The following C2CD3 variants were observed in gnomAD, a reference collection of about 807,000 sequenced individuals.
The protein encoded by C2CD3 is C2 domain containing 3 centriole elongation regulator.
C2CD3 carries 148 observed loss-of-function variants against 234.0 expected under a neutral mutation model. The ratio of observed to expected loss-of-function variants is 0.63; its 90% confidence interval spans 0.55 to 0.72. The LOEUF (loss-of-function observed/expected upper bound fraction) is 0.72, where lower values mean the gene tolerates loss of function less well. C2CD3 is among the 30% of genes least tolerant of loss of function. The probability of loss-of-function intolerance (pLI) is 0.00; values close to 1 mark genes in which losing one functional copy is unlikely to be tolerated. For synonymous variants in C2CD3, 1,000 were observed against 1,035.4 expected (o/e 0.97, Z 0.66); for missense variants, 2,577 against 2,811.5 (o/e 0.92, Z 1.89).
intron 32 of C2CD3, among the ~76,000 whole-genome samples, chr11:74,022,460 C>T (rs1477158928): frequency 1.3e-5 from 2 of 152,038 alleles, no homozygotes; most frequent in East Asian, 1.9e-4. Flanking sequence ...TACGTGTCTG[C>T]GGCATGAGAG....
chr11:74,161,338 C>T (rs1856452202), intron 3 of C2CD3, 61 bp downstream of exon 3: 5 of 997,230 alleles, frequency 5.0e-6, no homozygotes, highest in Non-Finnish European at 5.8e-6. Context: ...TACAAACAGA[C>T]TCAACTATTT....
At chr11:74,060,297 C>G (rs1348150910) in intron 24 of C2CD3, among the ~76,000 whole-genome samples, 1 of 152,214 alleles carries the variant, frequency 6.6e-6, no homozygotes, top group African/African-American at 2.4e-5. Context: ...AGTTTGAGAT[C>G]TGAGAACGGA....
chr11:74,111,969 CATATAT>C (rs1262518509), intron 11 of C2CD3, among the ~76,000 whole-genome samples: 19 of 84,424 alleles, frequency 2.3e-4, no homozygotes, highest in African/African-American at 8.4e-4. Flanking sequence ...CACACACACA[CATATAT>C]ATATACACAC....
intron 7 of C2CD3, chr11:74,129,273 C>T: frequency 5.6e-6 from 1 of 177,200 alleles, no homozygotes; most frequent in Non-Finnish European, 1.2e-5. Context: ...CTCCTCACTT[C>T]TCAGACGGGG....
In C2CD3 at chr11:74,109,117, G is replaced by C. The variant is rs775868482; in HGVS notation, c.1879C>G (p.Gln627Glu). 6.3e-7 allele frequency: 1 copy of C among 1,596,050 alleles called. No individual in the cohort carries two copies. Among genetic ancestry groups the C allele is most frequent in the Non-Finnish European group, 8.5e-7 (1 of 1,173,012 alleles). ...TGCTCTATCATTGGGCCACCAAACT[G>C]TACTGGAAACACAAATCGCTGCTGG... ...KFQQRFVFPV[Q>E]FGGPMIEHWW... The change falls in exon 12 of 33, where the codon CAG becomes GAG. Residue 627 changes from glutamine (Q) to glutamate (E), a missense_variant. By Grantham distance (29) the Gln-to-Glu change is conservative (BLOSUM62 2). Coordinates refer to ENST00000334126, the MANE Select transcript of C2CD3 (RefSeq NM_001286577.2).
At chr11:74,128,040 T>C (rs1957475810) in intron 7 of C2CD3, among the ~76,000 whole-genome samples, 1 of 152,162 alleles carries the variant, frequency 6.6e-6, no homozygotes, top group Admixed American at 6.5e-5. Flanking sequence ...TTTTTTTGTG[T>C]TTTCAGTAGA....
At position 74,022,127 on chromosome 11, in the gene C2CD3, G is replaced by GA. The variant is rs369613505; in HGVS notation, c.6921+6159dup. Among the ~76,000 whole-genome samples the GA allele has an allele frequency of 4.3e-3, 648 of 149,612 alleles. 5 individuals carry two copies. Among genetic ancestry groups the GA allele is most frequent in the African/African-American group, 0.015 (608 of 40,886 alleles). The stretch of plus-strand genomic sequence containing the variant: ...GGCAAGAGTGAGATTCCGTCTCGGG[G>GA]AAAAAAAAAAGAAATAGTGGGGAGA... On this transcript the variant is annotated intron_variant, in intron 32 of 32. Coordinates refer to ENST00000334126, the MANE Select transcript of C2CD3 (RefSeq NM_001286577.2).
intron 26 of C2CD3, among the ~76,000 whole-genome samples, chr11:74,053,071 T>C (rs1190271989): frequency 6.6e-6 from 1 of 152,208 alleles, no homozygotes; most frequent in Non-Finnish European, 1.5e-5. Flanking sequence ...TTTCCAATCT[T>C]ACTAGCATGG....
Position 74,049,404 on chromosome 11 carries a change from A to C in C2CD3, c.5294T>G (p.Leu1765Trp), listed in dbSNP as rs769223115. 25 of 1,614,018 alleles carry C rather than the reference A, an allele frequency of 1.5e-5. No homozygotes were observed. The South Asian group carries it at 2.7e-4, about 18-fold the overall frequency. ...TTCTTTGAAGTGTATCAAACTCTCC[A>C]AAGGGGAGACAGCAACTTTTATCTG... ...QGQIKVAVSPLESLIHFKEER... is the reference protein window; with the variant it reads ...QGQIKVAVSPWESLIHFKEER... Residue 1765 changes from leucine to tryptophan, a missense_variant, in exon 27 of 33, where the codon TTG (leucine) becomes TGG (tryptophan). Physicochemically the swap from Leu to Trp is moderately conservative, Grantham distance 61. Coordinates refer to ENST00000334126, the MANE Select transcript of C2CD3 (RefSeq NM_001286577.2).
chr11:74,054,395 C>A (rs1425799213), intron 26 of C2CD3, among the ~76,000 whole-genome samples: 8 of 140,830 alleles, frequency 5.7e-5, no homozygotes, highest in African/African-American at 7.8e-5. Context: ...AGATCTTGTT[C>A]AAAAAAAAAA....
At chr11:74,115,139 T>G (rs1956880055) in intron 9 of C2CD3, among the ~76,000 whole-genome samples, 1 of 151,734 alleles carries the variant, frequency 6.6e-6, no homozygotes, top group Non-Finnish European at 1.5e-5. Flanking sequence ...TTCAGGGTAA[T>G]TTGAATCTAT....
Position 74,103,528 on chromosome 11 carries a change from C to A in C2CD3, c.2183G>T (p.Ser728Ile). The A allele has an allele frequency of 2.5e-6, 4 of 1,614,076 alleles. No individual in the cohort carries two copies. The highest frequency in any genetic ancestry group is 3.4e-6 in the Non-Finnish European group (4 of 1,180,014). Reference protein sequence around the residue: ...THYTPLCAPTSPNKALPELNQ... With the variant: ...THYTPLCAPTIPNKALPELNQ... The stretch of plus-strand genomic sequence containing the variant: ...AAGTTCTGGTAGTGCCTTATTTGGA[C>A]TTGTAGGAGCACAAAGTGGGGTATA... The change falls in exon 14 of 33, where the codon AGT becomes ATT. Residue 728 changes from serine (S) to isoleucine (I), a missense_variant. By Grantham distance (142) the Ser-to-Ile change is moderately radical. Coordinates refer to ENST00000334126, the MANE Select transcript of C2CD3 (RefSeq NM_001286577.2).
chr11:74,161,572 T>C lies in C2CD3; in HGVS notation c.326-16A>G. ...ACAGCCATATCTAACCAGAAACAAT[T>C]ACAACATGGATATTTTTCATTTACT... On this transcript the variant is annotated splice_polypyrimidine_tract_variant and intron_variant, in intron 2 of 32. Coordinates refer to ENST00000334126, the MANE Select transcript of C2CD3 (RefSeq NM_001286577.2). 3 of 1,520,700 alleles carry C rather than the reference T, an allele frequency of 2.0e-6. No homozygotes were observed. Among genetic ancestry groups the C allele is most frequent in the Non-Finnish European group, 2.7e-6 (3 of 1,131,680 alleles). The allele number at this position is 1,520,700 out of a possible 1,614,324, so 94.2% of individuals were successfully genotyped here. A position where few individuals can be genotyped will look rare whatever the true frequency, so the allele number is the denominator to read the frequency against.
intron 31 of C2CD3, 82 bp from the exon 32 acceptor site, chr11:74,028,480 C>G (rs1468633455): frequency 1.0e-5 from 8 of 801,300 alleles, no homozygotes; most frequent in Non-Finnish European, 1.6e-5. Context: ...TGACCATTCA[C>G]TCTGCCCCCA....
At chr11:74,036,110 C>G (rs143386789) in intron 30 of C2CD3, 2,524 of 214,810 alleles carry the variant, frequency 0.012, 22 homozygotes, top group Non-Finnish European at 0.018. Context: ...TCCACTCACC[C>G]TGGCCTCCCA....
chr11:74,143,480 G>A (rs1854944326), intron 3 of C2CD3, among the ~76,000 whole-genome samples: 1 of 150,546 alleles, frequency 6.6e-6, no homozygotes, highest in Non-Finnish European at 1.5e-5. Flanking sequence ...AGCCTCCAAA[G>A]TAGCTGGGAT....
rs1465873407 is a variant in C2CD3 at position 74,114,765 on chromosome 11, G to A, written c.1521-172C>T. 3.3e-5 allele frequency among the ~76,000 whole-genome samples: 5 copies of A among 152,200 alleles called. No homozygotes were observed. In the South Asian group the frequency reaches 6.2e-4, roughly 19 times the overall value. Reference sequence around the variant, plus strand: ...CACCCAGGCTGGAGTGCAGTGGCACGATCATGGCTTACTGCAGCCTTGACC... The same window carrying A: ...CACCCAGGCTGGAGTGCAGTGGCACAATCATGGCTTACTGCAGCCTTGACC... On this transcript the variant is annotated intron_variant, in intron 9 of 32. Transcript: ENST00000334126.
intron 3 of C2CD3, chr11:74,142,040 C>G (rs1301109903): frequency 2.0e-5 from 3 of 152,860 alleles, no homozygotes; most frequent in African/African-American, 7.2e-5. Context: ...AAAACACCCT[C>G]TGCCTCAGAG....
chr11:74,170,684 C>T (rs1218595304), intron 1 of C2CD3, 54 bp downstream of exon 1: 2 of 1,609,126 alleles, frequency 1.2e-6, no homozygotes, highest in African/African-American at 1.3e-5. Context: ...CCTAAAATTC[C>T]TTACACCCTG....
Sources: allele counts gnomAD v4.1 joint callset (sites outside exome capture counted in the v4.1 genomes callset), GRCh38; gene constraint gnomAD v4.1.1; transcripts MANE v1.5; gene names NCBI Gene and HGNC (gene_info 2026-07-23, HGNC 2026-07-21).